CSMD1: variants seen among roughly 807,000 people sequenced by gnomAD.
The protein encoded by CSMD1 is CUB and Sushi multiple domains 1, also known as CUB and sushi domain-containing protein 1.
A neutral mutation model predicts 417.5 loss-of-function variants in CSMD1; 213 were observed. The observed-to-expected ratio is 0.51, with a 90% confidence interval of 0.46 to 0.57. The LOEUF (loss-of-function observed/expected upper bound fraction) is 0.57. Among genes scored for constraint, CSMD1 ranks in the 20% least tolerant of loss-of-function variants. The probability of loss-of-function intolerance (pLI) is 0.00; values close to 1 mark genes in which losing one functional copy is unlikely to be tolerated. For missense variants in CSMD1, 6,923 were observed against 4,529.7 expected, an observed-to-expected ratio of 1.53 and a Z score of -15.17; for synonymous variants, 2,862 against 1,736.8, an observed-to-expected ratio of 1.65 and a Z score of -16.11.
chr8:4,637,595 C>G (rs779437772), intron 1 of CSMD1, 37 bp from the exon 2 acceptor site: 47 of 1,350,050 alleles, frequency 3.5e-5, no homozygotes, highest in Non-Finnish European at 4.8e-5. Flanking sequence ...GCATATTATT[C>G]TGGCCATCTT....
intron 3 of CSMD1, among the ~76,000 whole-genome samples, chr8:4,290,706 G>A (rs1234248029): frequency 1.3e-5 from 2 of 152,160 alleles, no homozygotes; most frequent in African/African-American, 2.4e-5. Context: ...ATGAGCATAT[G>A]ACATTGATAA....
intron 3 of CSMD1, among the ~76,000 whole-genome samples, chr8:4,402,269 A>G (rs965989141): frequency 3.3e-5 from 5 of 151,964 alleles, no homozygotes; most frequent in Admixed American, 6.6e-5. Flanking sequence ...TGCAAATCCA[A>G]TTATCATTCC....
chr8:3,599,034 T>G (rs1295964998), intron 8 of CSMD1, among the ~76,000 whole-genome samples: 1 of 152,032 alleles, frequency 6.6e-6, no homozygotes, highest in African/African-American at 2.4e-5. Context: ...TGAGCAGAGC[T>G]TGCAACAATG....
intron 3 of CSMD1, among the ~76,000 whole-genome samples, chr8:4,056,281 C>G (rs1048482312): frequency 6.6e-6 from 1 of 151,700 alleles, no homozygotes; most frequent in Admixed American, 6.6e-5. Context: ...TGGAGTTTCA[C>G]CATGTTGGCC....
chr8:3,592,566 A>C (rs1220040825), intron 8 of CSMD1, among the ~76,000 whole-genome samples: 1 of 152,162 alleles, frequency 6.6e-6, no homozygotes, highest in African/African-American at 2.4e-5. Flanking sequence ...TCAAAGGTTT[A>C]GAAATGTTGC....
At position 4,905,616 on chromosome 8, in the gene CSMD1, G is replaced by C. The variant is rs553905782; in HGVS notation, c.85+88716C>G. ...GGGCCCATCACGAGGTCATGAGATCGAGGCCATCCTGGCTAACACGGTGAA... is the reference window on the plus strand; with the variant it reads ...GGGCCCATCACGAGGTCATGAGATCCAGGCCATCCTGGCTAACACGGTGAA... On this transcript the variant is annotated intron_variant, in intron 1 of 69. Coordinates refer to ENST00000635120, the MANE Select transcript of CSMD1 (RefSeq NM_033225.6). Among the ~76,000 whole-genome samples the C allele has an allele frequency of 3.3e-5, 5 of 151,656 alleles. No individual in the cohort carries two copies. In the South Asian group the frequency reaches 8.3e-4, roughly 25 times the overall value.
chr8:3,004,023 G>GT (rs1179790960), intron 52 of CSMD1, among the ~76,000 whole-genome samples: 4 of 152,134 alleles, frequency 2.6e-5, no homozygotes, highest in African/African-American at 9.7e-5. Context: ...TTTGAAGATA[G>GT]TTGCTACAAC....
At chr8:4,740,485 A>T (rs1325143160) in intron 1 of CSMD1, among the ~76,000 whole-genome samples, 1 of 152,184 alleles carries the variant, frequency 6.6e-6, no homozygotes. Flanking sequence ...TTTAGAGGAA[A>T]GTGCAATGGT....
intron 54 of CSMD1, among the ~76,000 whole-genome samples, chr8:2,982,819 G>A (rs1805537410): frequency 6.6e-6 from 1 of 152,160 alleles, no homozygotes; most frequent in South Asian, 2.1e-4. Context: ...AGAGAAACGT[G>A]ATAATTCCCA....
chr8:4,338,092 T>C (rs1338324550), intron 3 of CSMD1, among the ~76,000 whole-genome samples: 1 of 152,190 alleles, frequency 6.6e-6, no homozygotes, highest in African/African-American at 2.4e-5. Flanking sequence ...TGCACTTTTA[T>C]GTGTAACTTT....
chr8:4,465,995 G>C lies in CSMD1; in HGVS notation c.303-45930C>G, dbSNP rs73514623. Among the ~76,000 whole-genome samples, 1,025 of 152,296 alleles carry C rather than the reference G, an allele frequency of 6.7e-3. 7 individuals are homozygous for C. Among genetic ancestry groups the C allele is most frequent in the African/African-American group, 0.023 (975 of 41,556 alleles). On this transcript the variant is annotated intron_variant, in intron 2 of 69. Coordinates refer to ENST00000635120, the MANE Select transcript of CSMD1 (RefSeq NM_033225.6). ...ACAAGGACAGATGGGAAAAGACTGA[G>C]ACATTAAAGATGTGCAATCACATTT... is the stretch of plus-strand genomic sequence containing the variant.
intron 38 of CSMD1, among the ~76,000 whole-genome samples, chr8:3,160,882 G>A (rs536305512): frequency 1.7e-4 from 26 of 152,234 alleles, no homozygotes; most frequent in Admixed American, 1.5e-3. Flanking sequence ...CCCTGTTCTT[G>A]CTCTTAACTT....
intron 5 of CSMD1, among the ~76,000 whole-genome samples, chr8:3,860,278 C>A (rs748986587): frequency 2.0e-5 from 3 of 152,080 alleles, no homozygotes; most frequent in African/African-American, 7.2e-5. Context: ...ACTGAGAACT[C>A]TGCCCTTGGG....
intron 54 of CSMD1, among the ~76,000 whole-genome samples, chr8:2,990,524 T>C (rs2063149759): frequency 6.6e-6 from 1 of 152,126 alleles, no homozygotes; most frequent in Non-Finnish European, 1.5e-5. Flanking sequence ...TATATAATAA[T>C]CCTATATAGA....
At chr8:4,320,434 G>A (rs145757911) in intron 3 of CSMD1, among the ~76,000 whole-genome samples, 12 of 152,080 alleles carry the variant, frequency 7.9e-5, no homozygotes, top group East Asian at 1.9e-4. Context: ...AGGTAGACAC[G>A]TGCCATGATG....
chr8:4,439,272 A>C (rs1798326166), intron 2 of CSMD1, among the ~76,000 whole-genome samples: 1 of 152,162 alleles, frequency 6.6e-6, no homozygotes, highest in Non-Finnish European at 1.5e-5. Flanking sequence ...ACAACTACTA[A>C]ATTGAAAATG....
At chr8:4,814,259 G>A (rs1156765120) in intron 1 of CSMD1, among the ~76,000 whole-genome samples, 3 of 152,028 alleles carry the variant, frequency 2.0e-5, no homozygotes, top group African/African-American at 7.2e-5. Context: ...TATGTGTGTG[G>A]TGGGGGATGG....
chr8:4,142,690 T>C (rs1023802109), intron 3 of CSMD1, among the ~76,000 whole-genome samples: 2 of 151,122 alleles, frequency 1.3e-5, no homozygotes, highest in African/African-American at 4.9e-5. Context: ...AGTTATTGGG[T>C]GGCTGAGGTT....
chr8:3,088,189 G>C (rs967274672), intron 48 of CSMD1, among the ~76,000 whole-genome samples: 1 of 152,134 alleles, frequency 6.6e-6, no homozygotes, highest in Non-Finnish European at 1.5e-5. Flanking sequence ...CACACAGAAT[G>C]TCATATTTAT....
Sources: allele counts gnomAD v4.1 joint callset (sites outside exome capture counted in the v4.1 genomes callset), GRCh38; gene constraint gnomAD v4.1.1; transcripts MANE v1.5; gene names NCBI Gene and HGNC (gene_info 2026-07-23, HGNC 2026-07-21).